TAFA1: variants seen among roughly 807,000 people sequenced by gnomAD.
TAFA1 encodes the protein TAFA chemokine like family member 1.
TAFA1 carries 4 observed loss-of-function variants against 18.5 expected under a neutral mutation model. The observed-to-expected ratio is 0.22, with a 90% CI of 0.11 to 0.49. The LOEUF (loss-of-function observed/expected upper bound fraction) is 0.49. TAFA1 is among the 20% of genes least tolerant of loss of function. The pLI, the probability that TAFA1 is intolerant of heterozygous loss-of-function variation, is 0.98. For synonymous variants in TAFA1, 56 were observed against 55.2 expected (o/e 1.01, Z -0.06); for missense variants, 147 against 169.0 (o/e 0.87, Z 0.72).
chr3:68,390,891 G>A (rs1270734177), intron 2 of TAFA1, among the ~76,000 whole-genome samples: 4 of 152,122 alleles, frequency 2.6e-5, no homozygotes, highest in African/African-American at 7.2e-5. Flanking sequence ...GTAAATCCAC[G>A]AAGAAGGGGA....
chr3:68,082,386 C>T (rs549202194), intron 2 of TAFA1, among the ~76,000 whole-genome samples: 1 of 152,256 alleles, frequency 6.6e-6, no homozygotes, highest in African/African-American at 2.4e-5. Context: ...TTTCCTGAAG[C>T]AATTTATAGA....
chr3:68,428,038 C>T (rs2071092306), intron 3 of TAFA1, among the ~76,000 whole-genome samples: 11 of 151,896 alleles, frequency 7.2e-5, no homozygotes, highest in Admixed American at 7.2e-4. Context: ...CTTTATAGGA[C>T]TATGAAAATG....
intron 2 of TAFA1, among the ~76,000 whole-genome samples, chr3:68,174,409 G>T (rs2066097976): frequency 6.6e-6 from 1 of 152,080 alleles, no homozygotes; most frequent in South Asian, 2.1e-4. Flanking sequence ...GAACTTCCTG[G>T]AGACTTGTTG....
At position 68,392,879 on chromosome 3, in the gene TAFA1, C is replaced by T. The variant is rs144728007; in HGVS notation, c.119-24401C>T. ...GCAGTGTTTAGAGGGAAATTTATAG[C>T]GCTAAATGTCCACATGAGAAAGTGG... On this transcript the variant is annotated intron_variant, in intron 2 of 4. Coordinates refer to ENST00000478136, the MANE Select transcript of TAFA1 (RefSeq NM_213609.4). 4.3e-3 allele frequency among the ~76,000 whole-genome samples: 655 copies of T among 152,198 alleles called. 6 individuals carry two copies. The highest frequency in any genetic ancestry group is 0.036 in the South Asian group (173 of 4,822).
intron 2 of TAFA1, among the ~76,000 whole-genome samples, chr3:68,133,833 C>T (rs746632716): frequency 6.6e-5 from 10 of 151,662 alleles, no homozygotes; most frequent in African/African-American, 2.2e-4. Flanking sequence ...AGTCTTTGCC[C>T]TCAAAAACCT....
chr3:68,033,048 A>G (rs946785257), intron 2 of TAFA1, among the ~76,000 whole-genome samples: 5 of 152,178 alleles, frequency 3.3e-5, no homozygotes, highest in African/African-American at 1.2e-4. Flanking sequence ...GAAGGAAAAT[A>G]TATATACTCA....
chr3:68,131,856 T>G lies in TAFA1; in HGVS notation c.118+125112T>G, dbSNP rs1041523877. Reference sequence around the variant, plus strand: ...AGCTTTTTTACCTGTGAAATAGGAATGATCATAGAAACTCCCTATTTTTTA... The same window carrying G: ...AGCTTTTTTACCTGTGAAATAGGAAGGATCATAGAAACTCCCTATTTTTTA... On this transcript the variant is annotated intron_variant, in intron 2 of 4. Transcript: ENST00000478136. 2.7e-5 allele frequency among the ~76,000 whole-genome samples: 4 copies of G among 147,310 alleles called. No individual in the cohort carries two copies. In the Admixed American group the frequency reaches 2.8e-4, roughly 10 times the overall value.
chr3:68,206,231 G>A (rs1475244208), intron 2 of TAFA1, among the ~76,000 whole-genome samples: 3 of 151,746 alleles, frequency 2.0e-5, no homozygotes, highest in Non-Finnish European at 4.4e-5. Flanking sequence ...AATGATGGCC[G>A]ATTTGAATTT....
At chr3:68,021,341 C>A (rs781331917) in intron 2 of TAFA1, among the ~76,000 whole-genome samples, 20 of 152,070 alleles carry the variant, frequency 1.3e-4, no homozygotes, top group Non-Finnish European at 2.9e-5. Context: ...TTTTGTGACC[C>A]TCAGACTGGA....
chr3:68,267,561 A>C (rs1340905251), intron 2 of TAFA1, among the ~76,000 whole-genome samples: 2 of 152,148 alleles, frequency 1.3e-5, no homozygotes, highest in African/African-American at 4.8e-5. Flanking sequence ...ATTCAAGTAA[A>C]TTTGTGCAGG....
chr3:68,284,429 T>C (rs1370336159), intron 2 of TAFA1, among the ~76,000 whole-genome samples: 3 of 152,204 alleles, frequency 2.0e-5, no homozygotes, highest in Admixed American at 2.0e-4. Flanking sequence ...AAAAAACTTT[T>C]TGGCAATTTG....
intron 2 of TAFA1, among the ~76,000 whole-genome samples, chr3:68,102,741 G>A (rs1230777874): frequency 6.6e-6 from 1 of 152,136 alleles, no homozygotes; most frequent in Admixed American, 6.6e-5. Flanking sequence ...ATAACCTCTT[G>A]GATTCTTAGA....
rs2065876180 is a variant in TAFA1 at position 68,157,155 on chromosome 3, ATT to A, written c.118+150413_118+150414del. ...GAAAGCTGGGAAAGCTATTATTATT[ATT>A]TGTTACATTTATTTTTTATTTCATT... On this transcript the variant is annotated intron_variant, in intron 2 of 4. Coordinates refer to ENST00000478136, the MANE Select transcript of TAFA1 (RefSeq NM_213609.4). Among the ~76,000 whole-genome samples, 5 of 152,144 alleles carry A rather than the reference ATT, an allele frequency of 3.3e-5. No individual in the cohort carries two copies. In the South Asian group the frequency reaches 1.0e-3, roughly 32 times the overall value.
At chr3:68,215,462 A>C (rs1045850017) in intron 2 of TAFA1, among the ~76,000 whole-genome samples, 1 of 152,078 alleles carries the variant, frequency 6.6e-6, no homozygotes. Flanking sequence ...AAGTCTTTAG[A>C]TACAACACCT....
chr3:68,537,775 C>A (rs2073299002), intron 3 of TAFA1, among the ~76,000 whole-genome samples: 1 of 152,140 alleles, frequency 6.6e-6, no homozygotes, highest in Admixed American at 6.5e-5. Context: ...ATAAGTCTTC[C>A]TCTTCCATAT....
intron 3 of TAFA1, among the ~76,000 whole-genome samples, chr3:68,487,566 T>C (rs1230556575): frequency 2.0e-5 from 3 of 151,776 alleles, no homozygotes; most frequent in Non-Finnish European, 4.4e-5. Flanking sequence ...GCTAACACGG[T>C]GAAACCCTGT....
At chr3:68,345,943 G>A (rs922298753) in intron 2 of TAFA1, among the ~76,000 whole-genome samples, 4 of 152,056 alleles carry the variant, frequency 2.6e-5, no homozygotes, top group African/African-American at 9.7e-5. Context: ...TAACTTACAG[G>A]CCTGACTCTA....
At chr3:68,528,567 A>G (rs1437463788) in intron 3 of TAFA1, among the ~76,000 whole-genome samples, 1 of 152,216 alleles carries the variant, frequency 6.6e-6, no homozygotes, top group East Asian at 1.9e-4. Context: ...AAGAGTTGTA[A>G]CAGCTGTTCC....
intron 2 of TAFA1, among the ~76,000 whole-genome samples, chr3:68,013,037 C>A (rs1384129777): frequency 1.3e-5 from 2 of 151,860 alleles, no homozygotes; most frequent in Non-Finnish European, 2.9e-5. Flanking sequence ...TTTTTTTCGA[C>A]AGCATCTACC....
Sources: gnomAD v4.1 joint callset for allele counts (sites outside exome capture counted in the v4.1 genomes callset) on GRCh38, gnomAD v4.1.1 for gene constraint, MANE v1.5 for transcripts, NCBI Gene and HGNC (gene_info 2026-07-23, HGNC 2026-07-21) for gene names.